Variants in PACRG observed in about 807,000 individuals in gnomAD.
The protein encoded by PACRG is parkin coregulated gene protein.
A neutral mutation model predicts 29.7 loss-of-function variants in PACRG; 29 were observed. That is an observed-to-expected ratio of 0.98 (90% CI 0.73 to 1.33). The LOEUF (loss-of-function observed/expected upper bound fraction) is 1.33, where lower values mean the gene tolerates loss of function less well. PACRG is among the 40% of genes most tolerant of loss of function. The probability of loss-of-function intolerance (pLI) is 0.00; values close to 1 mark genes in which losing one functional copy is unlikely to be tolerated. For missense variants in PACRG, 279 were observed against 316.2 expected (o/e 0.88, Z 0.89); for synonymous variants, 116 against 118.7 (o/e 0.98, Z 0.15).
chr6:162,986,220 T>G (rs1802874688), intron 2 of PACRG, among the ~76,000 whole-genome samples: 1 of 151,922 alleles, frequency 6.6e-6, no homozygotes, highest in African/African-American at 2.4e-5. Flanking sequence ...ATCCCAAAAT[T>G]CATATAGAAC....
At chr6:162,746,545 A>G (rs1306402647) in intron 1 of PACRG, among the ~76,000 whole-genome samples, 1 of 152,226 alleles carries the variant, frequency 6.6e-6, no homozygotes, top group African/African-American at 2.4e-5. Context: ...ATTTCACTAG[A>G]TGGTACACAC....
At chr6:163,295,487 G>T (rs949436882) in intron 4 of PACRG, among the ~76,000 whole-genome samples, 7 of 152,284 alleles carry the variant, frequency 4.6e-5, no homozygotes, top group East Asian at 1.9e-4. Flanking sequence ...TTGCTTATCC[G>T]TACAGTGGGT....
chr6:163,051,277 A>G (rs1421575784), intron 2 of PACRG: 1 of 151,936 alleles, frequency 6.6e-6, no homozygotes, highest in Non-Finnish European at 1.5e-5. Context: ...GCTCGTGTCT[A>G]TGCTCATTGG....
chr6:163,293,420 A>G (rs9347735), intron 4 of PACRG, among the ~76,000 whole-genome samples: 38,379 of 152,184 alleles, frequency 0.25, 5,679 homozygotes, highest in East Asian at 0.36. Flanking sequence ...AGTTAAAGCA[A>G]TACAACGGAG....
chr6:163,249,266 A>G (rs1782813362), intron 4 of PACRG, among the ~76,000 whole-genome samples: 1 of 152,246 alleles, frequency 6.6e-6, no homozygotes, highest in South Asian at 2.1e-4. Context: ...CTGCATTCCA[A>G]CATTATGGAA....
At chr6:163,143,895 A>G (rs1406830866) in intron 4 of PACRG, among the ~76,000 whole-genome samples, 1 of 152,148 alleles carries the variant, frequency 6.6e-6, no homozygotes, top group East Asian at 1.9e-4. Flanking sequence ...GAGTTGAATG[A>G]TGTTTCCAAC....
chr6:162,940,841 G>A (rs535509166), intron 2 of PACRG, among the ~76,000 whole-genome samples: 3 of 152,244 alleles, frequency 2.0e-5, no homozygotes. Flanking sequence ...CTGTACATTC[G>A]TAACCTTAGA....
At chr6:162,979,783 AAT>A (rs1802253068) in intron 2 of PACRG, among the ~76,000 whole-genome samples, 1 of 152,138 alleles carries the variant, frequency 6.6e-6, no homozygotes, top group Admixed American at 6.6e-5. Flanking sequence ...CAGAATAAAT[AAT>A]ATATGCAGCA....
At chr6:163,266,533 A>T (rs1783532550) in intron 4 of PACRG, among the ~76,000 whole-genome samples, 1 of 152,200 alleles carries the variant, frequency 6.6e-6, no homozygotes, top group South Asian at 2.1e-4. Flanking sequence ...AGATGGGGCC[A>T]GGATCTTGGG....
At chr6:162,727,298 G>GGGC, upstream of PACRG, 1 of 341,058 alleles carries the variant, frequency 2.9e-6, no homozygotes, top group Admixed American at 5.1e-5. Context: ...CGAAGGTGAG[G>GGGC]GGCGGCGGCG....
intron 2 of PACRG, among the ~76,000 whole-genome samples, chr6:162,838,227 G>C (rs955725740): frequency 6.6e-6 from 1 of 152,132 alleles, no homozygotes; most frequent in South Asian, 2.1e-4. Flanking sequence ...GACATAGTAA[G>C]GCCATCTGTC....
In PACRG at chr6:163,269,948, AAAGAAAGAAAGAAAG is replaced by A. The variant is rs1562350156; in HGVS notation, c.614-44876_614-44862del. On this transcript the variant is annotated intron_variant, in intron 4 of 4. Coordinates refer to ENST00000366888, the MANE Select transcript of PACRG (RefSeq NM_001080379.2). Reference sequence around the variant, plus strand: ...AAAGAAAACAAAGAAAGAAAGAAAGAAAGAAAGAAAGAAAGAAAGAAAGAAAGAAAGAAAGAAAGA... The same window carrying A: ...AAAGAAAACAAAGAAAGAAAGAAAGAAAAGAAAGAAAGAAAGAAAGAAAGA... Among the ~76,000 whole-genome samples, 27 of 50,828 alleles carry A rather than the reference AAAGAAAGAAAGAAAG, an allele frequency of 5.3e-4. 5 individuals carry two copies. The highest frequency in any genetic ancestry group is 7.7e-4 in the Admixed American group (5 of 6,514). The allele number at this position is 50,828 out of a possible 152,430, so 33.3% of individuals were successfully genotyped here. A position where few individuals can be genotyped will look rare whatever the true frequency, so the allele number is the denominator to read the frequency against.
chr6:163,132,156 AT>A (rs1816766692), intron 4 of PACRG, among the ~76,000 whole-genome samples: 1 of 152,196 alleles, frequency 6.6e-6, no homozygotes, highest in Non-Finnish European at 1.5e-5. Context: ...AATAAGATTT[AT>A]TTTATTTAAG....
intron 2 of PACRG, among the ~76,000 whole-genome samples, chr6:163,048,305 T>C (rs184916021): frequency 2.0e-3 from 303 of 152,334 alleles, no homozygotes; most frequent in Non-Finnish European, 3.5e-3. Context: ...TGGGATCTGC[T>C]ATAGGTTTCT....
At chr6:163,194,459 CCAAGGCAG>C (rs1440552272) in intron 4 of PACRG, among the ~76,000 whole-genome samples, 1 of 151,934 alleles carries the variant, frequency 6.6e-6, no homozygotes, top group Admixed American at 6.6e-5. Context: ...TCTGCCTTTC[CCAAGGCAG>C]GAAACCCCGG....
rs1800856556 is a variant in PACRG, at chr6:162,964,260, A to G, written c.292-97890A>G. Among the ~76,000 whole-genome samples the G allele has an allele frequency of 2.0e-5, 3 of 152,204 alleles. No individual in the cohort carries two copies. The South Asian group carries it at 6.2e-4, about 31-fold the overall frequency. On this transcript the variant is annotated intron_variant, in intron 2 of 4. Coordinates refer to ENST00000366888, the MANE Select transcript of PACRG (RefSeq NM_001080379.2). ...TCATTAAAACTTACTCTTCTTGTCT[A>G]TAAAACAAGTGAGCTTCTCTGAAGG...
intron 4 of PACRG, among the ~76,000 whole-genome samples, chr6:163,194,342 T>G (rs1023390880): frequency 2.6e-5 from 4 of 152,208 alleles, no homozygotes; most frequent in African/African-American, 9.6e-5. Context: ...GTCTCTCTTT[T>G]GTTCTCTCCC....
intron 2 of PACRG, among the ~76,000 whole-genome samples, chr6:162,897,391 G>A (rs1795249089): frequency 6.6e-6 from 1 of 152,180 alleles, no homozygotes; most frequent in African/African-American, 2.4e-5. Flanking sequence ...CAAGCCTGAG[G>A]AATTTGCACT....
rs1780938123 is a variant in PACRG, at chr6:163,207,159, A to G, written c.614-107668A>G. Among the ~76,000 whole-genome samples the G allele has an allele frequency of 2.6e-5, 4 of 152,212 alleles. No individual in the cohort carries two copies. In the South Asian group the frequency reaches 8.3e-4, roughly 31 times the overall value. On this transcript the variant is annotated intron_variant, in intron 4 of 4. Coordinates refer to ENST00000366888, the MANE Select transcript of PACRG (RefSeq NM_001080379.2). Reference sequence around the variant, plus strand: ...AAATGATTTCAGTCGCAGAACACACATTTGTTTTTAATCTCTGGTCCCAGT... The same window carrying G: ...AAATGATTTCAGTCGCAGAACACACGTTTGTTTTTAATCTCTGGTCCCAGT...
Sources: gnomAD v4.1 joint callset for allele counts (sites outside exome capture counted in the v4.1 genomes callset) on GRCh38, gnomAD v4.1.1 for gene constraint, MANE v1.5 for transcripts, NCBI Gene and HGNC (gene_info 2026-07-23, HGNC 2026-07-21) for gene names.